Variants in PKIA observed in about 807,000 individuals in gnomAD.
PKIA encodes cAMP-dependent protein kinase inhibitor alpha, also known as PKI-alpha.
Under a neutral mutation model 7.6 loss-of-function variants are expected in PKIA, and 4 were observed. The ratio of observed to expected loss-of-function variants is 0.52; its 90% CI spans 0.26 to 1.20. The LOEUF (loss-of-function observed/expected upper bound fraction) is 1.20, where lower values mean the gene tolerates loss of function less well. PKIA is among the 50% of genes most tolerant of loss of function. The probability of loss-of-function intolerance (pLI) is 0.13; values close to 1 mark genes in which losing one functional copy is unlikely to be tolerated. For synonymous variants in PKIA, 21 were observed against 30.7 expected (o/e 0.68, Z 1.04); for missense variants, 73 against 86.2 (o/e 0.85, Z 0.61).
chr8:78,561,867 T>C (rs1423290876), intron 1 of PKIA, among the ~76,000 whole-genome samples: 1 of 152,222 alleles, frequency 6.6e-6, no homozygotes, highest in Non-Finnish European at 1.5e-5. Context: ...TGCCTCTTGT[T>C]AGTAATAGCT....
At chr8:78,566,007 T>C (rs1458634856) in intron 1 of PKIA, among the ~76,000 whole-genome samples, 9 of 152,004 alleles carry the variant, frequency 5.9e-5, no homozygotes, top group Non-Finnish European at 1.3e-4. Flanking sequence ...AAGTTCTACT[T>C]TTCAAGAAAG....
chr8:78,576,597 A>T (rs74645583), intron 2 of PKIA, among the ~76,000 whole-genome samples: 2,648 of 152,088 alleles, frequency 0.017, 54 homozygotes, highest in African/African-American at 0.05. Context: ...AAAATAAAAT[A>T]AAATTAAATT....
At chr8:78,546,471 A>C (rs1806827388) in intron 1 of PKIA, among the ~76,000 whole-genome samples, 1 of 152,176 alleles carries the variant, frequency 6.6e-6, no homozygotes, top group South Asian at 2.1e-4. Context: ...CCACATATCC[A>C]AAGTATCACA....
intron 2 of PKIA, among the ~76,000 whole-genome samples, chr8:78,584,422 A>C (rs1807899773): frequency 6.6e-6 from 1 of 152,072 alleles, no homozygotes; most frequent in Non-Finnish European, 1.5e-5. Context: ...TTTTATCCTG[A>C]GTCATTTGCA....
At chr8:78,524,822 C>T (rs538615098) in intron 1 of PKIA, among the ~76,000 whole-genome samples, 1 of 151,908 alleles carries the variant, frequency 6.6e-6, no homozygotes, top group Non-Finnish European at 1.5e-5. Flanking sequence ...AGTAAAATAT[C>T]AACAGCATAA....
chr8:78,523,289 T>A lies in PKIA; in HGVS notation c.-157+6821T>A, dbSNP rs1809451326. ...ATGCTTTTTCTTCAGTTGATTGGGGTGGGGGGAATTATTAATAAACATTTC... is the reference window on the plus strand; with the variant it reads ...ATGCTTTTTCTTCAGTTGATTGGGGAGGGGGGAATTATTAATAAACATTTC... On this transcript the variant is annotated intron_variant, in intron 1 of 3. Coordinates refer to ENST00000396418, the MANE Select transcript of PKIA (RefSeq NM_006823.4). 2.0e-5 allele frequency among the ~76,000 whole-genome samples: 3 copies of A among 151,942 alleles called. No homozygotes were observed. In the South Asian group the frequency reaches 6.2e-4, roughly 31 times the overall value.
intron 1 of PKIA, among the ~76,000 whole-genome samples, chr8:78,557,650 CTCT>C (rs1210291660): frequency 9.2e-5 from 14 of 152,208 alleles, no homozygotes; most frequent in Admixed American, 6.5e-5. Context: ...ATTCATAAGG[CTCT>C]TGTCAAAATG....
At chr8:78,548,734 G>C (rs1479095727) in intron 1 of PKIA, among the ~76,000 whole-genome samples, 1 of 151,974 alleles carries the variant, frequency 6.6e-6, no homozygotes, top group Admixed American at 6.6e-5. Context: ...CTGAAAATCT[G>C]TTATTCCATG....
chr8:78,549,121 T>C (rs73241267), intron 1 of PKIA, among the ~76,000 whole-genome samples: 5,104 of 152,132 alleles, frequency 0.034, 95 homozygotes, highest in African/African-American at 0.041. Context: ...ACTGGGTATA[T>C]GTATATGGGT....
At chr8:78,562,560 C>T (rs1429106017) in intron 1 of PKIA, among the ~76,000 whole-genome samples, 1 of 152,156 alleles carries the variant, frequency 6.6e-6, no homozygotes, top group Admixed American at 6.5e-5. Flanking sequence ...TTTTTCAAGT[C>T]CTGGGATGCA....
chr8:78,587,461 G>A (rs761851231), intron 2 of PKIA, among the ~76,000 whole-genome samples: 41 of 152,232 alleles, frequency 2.7e-4, no homozygotes, highest in Non-Finnish European at 3.5e-4. Context: ...TAATGTGCAG[G>A]TAATATTACT....
At chr8:78,565,040 C>T (rs2118530397) in intron 1 of PKIA, among the ~76,000 whole-genome samples, 1 of 151,380 alleles carries the variant, frequency 6.6e-6, no homozygotes, top group Non-Finnish European at 1.5e-5. Context: ...ATTTTTTTGG[C>T]CCCTTTTTAA....
chr8:78,517,117 C>A (rs762990702), intron 1 of PKIA, among the ~76,000 whole-genome samples: 1 of 152,188 alleles, frequency 6.6e-6, no homozygotes, highest in Non-Finnish European at 1.5e-5. Flanking sequence ...CATTCACAGA[C>A]CAACTCTCGT....
intron 2 of PKIA, among the ~76,000 whole-genome samples, chr8:78,579,801 C>A (rs1807764435): frequency 6.6e-6 from 1 of 151,978 alleles, no homozygotes; most frequent in African/African-American, 2.4e-5. Context: ...TCCAGACAAC[C>A]ATTTCCACCC....
At chr8:78,579,647 G>A (rs940470717) in intron 2 of PKIA, among the ~76,000 whole-genome samples, 2 of 152,042 alleles carry the variant, frequency 1.3e-5, no homozygotes, top group African/African-American at 4.8e-5. Context: ...TACACGTTTA[G>A]CAATGAGCAA....
In PKIA at chr8:78,604,416, T is replaced by A. The variant is rs1808425909; in HGVS notation, c.*2595T>A. The stretch of plus-strand genomic sequence containing the variant: ...ACCAAGGAGCTTTCCAGGGCACATG[T>A]CATAAAATTAGAGCCAACTGCAGAG... On this transcript the variant is annotated 3_prime_UTR_variant, in exon 4 of 4. Transcript: ENST00000396418. 6.6e-6 allele frequency: 1 copy of A among 151,964 alleles called. No individual in the cohort carries two copies. The highest frequency in any genetic ancestry group is 2.4e-5 in the African/African-American group (1 of 41,414). 9.4% of individuals were successfully genotyped at this position (151,964 alleles called of 1,614,324 possible). A position where few individuals can be genotyped will look rare whatever the true frequency, so the allele number is the denominator to read the frequency against.
At chr8:78,544,191 T>C (rs1408552448) in intron 1 of PKIA, among the ~76,000 whole-genome samples, 1 of 152,222 alleles carries the variant, frequency 6.6e-6, no homozygotes, top group Non-Finnish European at 1.5e-5. Context: ...AACAAGTGCC[T>C]TCATGTTTTT....
intron 1 of PKIA, among the ~76,000 whole-genome samples, chr8:78,554,494 CTTGCACATTTAGTTAAAA>C (rs1807078122): frequency 1.3e-5 from 2 of 151,922 alleles, no homozygotes; most frequent in South Asian, 4.1e-4. Flanking sequence ...TGTTGAAGGC[CTTGCACATTTAGTTAAAA>C]TTTTTAAAAT....
At chr8:78,549,345 G>A (rs1806919459) in intron 1 of PKIA, among the ~76,000 whole-genome samples, 1 of 151,740 alleles carries the variant, frequency 6.6e-6, no homozygotes, top group South Asian at 2.1e-4. Flanking sequence ...CACACTAAAA[G>A]GCAAAAATCT....
Sources: allele counts gnomAD v4.1 joint callset (sites outside exome capture counted in the v4.1 genomes callset), GRCh38; gene constraint gnomAD v4.1.1; transcripts MANE v1.5; gene names NCBI Gene and HGNC (gene_info 2026-07-23, HGNC 2026-07-21).